MPRIP: variants seen among roughly 807,000 people sequenced by gnomAD.
MPRIP encodes the protein myosin phosphatase Rho interacting protein, also known as myosin phosphatase Rho-interacting protein.
Under a neutral mutation model 234.9 loss-of-function variants are expected in MPRIP, and 59 were observed. That is an observed-to-expected ratio of 0.25 (90% confidence interval 0.20 to 0.31). The LOEUF (loss-of-function observed/expected upper bound fraction) is 0.31, where lower values mean the gene tolerates loss of function less well. MPRIP is among the 10% of genes least tolerant of loss of function. The pLI is 1.00. For synonymous variants in MPRIP, 1,144 were observed against 1,263.9 expected, an observed-to-expected ratio of 0.91 and a Z score of 2.01; for missense variants, 2,436 against 3,071.0, an observed-to-expected ratio of 0.79 and a Z score of 4.89.
intron 13 of MPRIP, among the ~76,000 whole-genome samples, chr17:17,158,128 C>A (rs1310103546): frequency 6.6e-6 from 1 of 152,194 alleles, no homozygotes; most frequent in African/African-American, 2.4e-5. Context: ...ACAGCCTCTT[C>A]AGTCAAGGGA....
chr17:17,139,134 A>T (rs1397516999), intron 7 of MPRIP, among the ~76,000 whole-genome samples: 4 of 152,262 alleles, frequency 2.6e-5, no homozygotes, highest in African/African-American at 9.6e-5. Flanking sequence ...CTGCCGAAGA[A>T]GATGAGGGCC....
At chr17:17,098,359 C>T (rs2089892336) in intron 3 of MPRIP, among the ~76,000 whole-genome samples, 1 of 152,126 alleles carries the variant, frequency 6.6e-6, no homozygotes. Flanking sequence ...CTGCCTAATT[C>T]CCATGTCTCT....
Position 17,143,622 on chromosome 17 carries a change from C to T in MPRIP, c.1456C>T (p.Arg486Ter), listed in dbSNP as rs749606638. The T allele has an allele frequency of 2.5e-6, 4 of 1,607,142 alleles. No homozygotes were observed. The highest frequency in any genetic ancestry group is 1.1e-5 in the South Asian group (1 of 89,260). ...CTCGGCTTCCCCCCTGTCTCCACAC[C>T]GAAGAGCCAAGTCACTGGACAGGAG... ...DASASPLSPH[R>*]RAKSLDRRST... The change falls in exon 9 of 24, where the codon CGA (arginine) becomes TGA (stop). Residue 486 changes from arginine (R) to a stop codon, truncating the protein, a stop_gained. Coordinates refer to ENST00000651222, the MANE Select transcript of MPRIP (RefSeq NM_001364716.4). LOFTEE classifies it high-confidence loss of function.
intron 16 of MPRIP, among the ~76,000 whole-genome samples, chr17:17,170,371 A>C (rs764266429): frequency 1.4e-4 from 21 of 152,138 alleles, no homozygotes; most frequent in Non-Finnish European, 2.6e-4. Flanking sequence ...TGGCAGAAAG[A>C]GACAGATGCT....
At chr17:17,182,025 G>C (rs1055814672) in intron 23 of MPRIP, 2 of 152,278 alleles carry the variant, frequency 1.3e-5, no homozygotes, top group African/African-American at 2.4e-5. Flanking sequence ...GGCTAGTCCT[G>C]CTGGCCCCAG....
chr17:17,174,218 ACCTGCCCCAGGGCTTCTC>A (rs2046206160), intron 19 of MPRIP, 143 bp downstream of exon 19: 1 of 1,049,582 alleles, frequency 9.5e-7, no homozygotes, highest in Non-Finnish European at 1.4e-6. Context: ...CAGAGTGGTT[ACCTGCCCCAGGGCTTCTC>A]CCTGCCACCC....
intron 23 of MPRIP, 139 bp downstream of exon 23, chr17:17,180,227 C>G: frequency 1.4e-6 from 1 of 725,144 alleles, no homozygotes; most frequent in Non-Finnish European, 2.3e-6. Flanking sequence ...CCGAGCTCAC[C>G]CTGCTGGGCT....
At chr17:17,072,748 C>T (rs2089227938) in intron 1 of MPRIP, among the ~76,000 whole-genome samples, 1 of 152,116 alleles carries the variant, frequency 6.6e-6, no homozygotes, top group African/African-American at 2.4e-5. Flanking sequence ...CTGTCCCTGG[C>T]TCCCTGGACT....
At chr17:17,145,483 CCT>C (rs1189085302) in intron 9 of MPRIP, among the ~76,000 whole-genome samples, 4 of 152,208 alleles carry the variant, frequency 2.6e-5, no homozygotes, top group African/African-American at 4.8e-5. Context: ...GCGCTGCCCC[CCT>C]GTCTGCCATC....
Position 17,138,309 on chromosome 17 carries a change from A to ATGATAC in MPRIP, c.1130_1131insTGATAC (p.Lys377delinsAsnAspThr). The stretch of plus-strand genomic sequence containing the variant: ...TATGCCACCCTGGCCGACGTCCCTA[A>ATGATAC]GGCCATCAGGATCAGCCACCGAGAA... On this transcript the variant is annotated protein_altering_variant, in exon 7 of 24. Coordinates refer to ENST00000651222, the MANE Select transcript of MPRIP (RefSeq NM_001364716.4). This position sits in a 1 kb window ranked among gnomAD's most constrained non-coding sequence, Gnocchi z 5.8. The ATGATAC allele has an allele frequency of 9.8e-6, 4 of 406,706 alleles. No individual in the cohort carries two copies. The highest frequency in any genetic ancestry group is 1.7e-5 in the Non-Finnish European group (4 of 229,344). The allele number at this position is 406,706 out of a possible 1,614,324, so 25.2% of individuals were successfully genotyped here.
At chr17:17,158,260 G>A (rs2045776048) in intron 13 of MPRIP, among the ~76,000 whole-genome samples, 172 bp from the exon 14 acceptor site, 1 of 152,144 alleles carries the variant, frequency 6.6e-6, no homozygotes. Flanking sequence ...AAGGGATGTG[G>A]GGTAAAGGCA....
intron 11 of MPRIP, 73 bp downstream of exon 11, chr17:17,147,460 C>A: frequency 7.3e-7 from 1 of 1,379,274 alleles, no homozygotes; most frequent in Non-Finnish European, 1.0e-6. Context: ...GCTAGTAGAT[C>A]TGCTTCCCCC....
At chr17:17,147,015 C>T (rs954542205) in intron 10 of MPRIP, among the ~76,000 whole-genome samples, 9 of 152,218 alleles carry the variant, frequency 5.9e-5, no homozygotes, top group Admixed American at 2.0e-4. Context: ...TACTGAGGAC[C>T]GCACGGCCTG....
At chr17:17,144,995 G>A (rs1227245471) in intron 9 of MPRIP, among the ~76,000 whole-genome samples, 1 of 152,206 alleles carries the variant, frequency 6.6e-6, no homozygotes, top group Non-Finnish European at 1.5e-5. Context: ...TTGGGGTAGG[G>A]TGTCCTAATT....
chr17:17,145,603 T>C (rs964757422), intron 9 of MPRIP, among the ~76,000 whole-genome samples: 2 of 152,242 alleles, frequency 1.3e-5, no homozygotes, highest in African/African-American at 4.8e-5. Context: ...ACGTCTCTGT[T>C]TCCCAGGCTT....
Position 17,177,394 on chromosome 17 carries a change from G to T in MPRIP, c.7102G>T (p.Ala2368Ser). The T allele has an allele frequency of 6.2e-7, 1 of 1,613,674 alleles. No individual in the cohort carries two copies. Among genetic ancestry groups the T allele is most frequent in the Non-Finnish European group, 8.5e-7 (1 of 1,179,996 alleles). ...ACTGGGGGAGAAGTCCCCTGACAGT[G>T]CCACGGTGTCCGGATATGGTGCGTC... ...EALGEKSPDS[A>S]TVSGYDIMKS... is the part of the protein sequence containing the mutation. The change falls in exon 22 of 24, where the codon GCC becomes TCC. Residue 2368 changes from alanine to serine, a missense_variant. Ala to Ser is a moderately conservative substitution (Grantham distance 99). Around this residue, in one of 4 missense-constraint regions of MPRIP, gnomAD observed 1,998 missense variants for 2,520.3 expected, o/e 0.79. Coordinates refer to ENST00000651222, the MANE Select transcript of MPRIP (RefSeq NM_001364716.4).
In MPRIP at chr17:17,165,613, C is replaced by T. The variant is rs529413096; in HGVS notation, c.4022C>T (p.Thr1341Ile). ...ATTCACCCCGAAGGGTCTGAGAAGA[C>T]CTGGACCAGCAGCACATCTTCCGAC... ...RYIHPEGSEKTWTSSTSSDTS... is the reference protein window; with the variant it reads ...RYIHPEGSEKIWTSSTSSDTS... Residue 1341 changes from threonine to isoleucine, a missense_variant, in exon 16 of 24, where the codon ACC (threonine) becomes ATC (isoleucine). Physicochemically the swap from Thr to Ile is moderately conservative, Grantham distance 89. Around this residue, in one of 4 missense-constraint regions of MPRIP, gnomAD observed 1,998 missense variants for 2,520.3 expected, o/e 0.79. Coordinates refer to ENST00000651222, the MANE Select transcript of MPRIP (RefSeq NM_001364716.4). 883 of 1,304,950 alleles carry T rather than the reference C, an allele frequency of 6.8e-4. 11 individuals carry two copies. The South Asian group carries it at 0.011, about 16-fold the overall frequency. 80.8% of individuals were successfully genotyped at this position (1,304,950 alleles called of 1,614,324 possible).
chr17:17,168,420 G>T, intron 16 of MPRIP: 1 of 252,738 alleles, frequency 4.0e-6, no homozygotes, highest in South Asian at 4.6e-5. Flanking sequence ...CGGGCGGAGG[G>T]TCCCTCTCTG....
In MPRIP at chr17:17,184,746, C is replaced by G; in HGVS notation, c.7207-77C>G. The G allele has an allele frequency of 2.7e-6, 3 of 1,117,986 alleles. No individual in the cohort carries two copies. The South Asian group carries it at 4.0e-5, about 15-fold the overall frequency. The allele number at this position is 1,117,986 out of a possible 1,614,324, so 69.3% of individuals were successfully genotyped here. ...ACTGATGCCGGCTCCACCAGCGGTC[C>G]GGTCTGGTCCGGTCCGGTCCAGTGC... is the stretch of plus-strand genomic sequence containing the variant. On this transcript the variant is annotated intron_variant, in intron 23 of 23. Coordinates refer to ENST00000651222, the MANE Select transcript of MPRIP (RefSeq NM_001364716.4).
Sources: allele counts gnomAD v4.1 joint callset (sites outside exome capture counted in the v4.1 genomes callset), GRCh38; gene constraint gnomAD v4.1.1; regional missense constraint gnomAD v4.1.1; non-coding constraint Gnocchi (gnomAD v3.1); transcripts MANE v1.5; gene names NCBI Gene and HGNC (gene_info 2026-07-23, HGNC 2026-07-21).